SLCO3A1: variants seen among roughly 807,000 people sequenced by gnomAD.
SLCO3A1 encodes PGE1 transporter.
Under a neutral mutation model 63.1 loss-of-function variants are expected in SLCO3A1, and 27 were observed. The observed-to-expected ratio is 0.43, with a 90% CI of 0.32 to 0.59. The LOEUF is 0.59. Among genes scored for constraint, SLCO3A1 ranks in the 20% least tolerant of loss-of-function variants. SLCO3A1 has a pLI of 0.09. For synonymous variants in SLCO3A1, 473 were observed against 409.9 expected (o/e 1.15, Z -1.86); for missense variants, 773 against 945.8 (o/e 0.82, Z 2.40).
At chr15:92,093,226 T>C (rs188749660) in intron 2 of SLCO3A1, among the ~76,000 whole-genome samples, 1 of 152,228 alleles carries the variant, frequency 6.6e-6, no homozygotes, top group East Asian at 1.9e-4. Context: ...ACCGGAAGCA[T>C]GGTGTTGGCA....
chr15:91,971,595 T>C (rs1361794340), intron 2 of SLCO3A1, among the ~76,000 whole-genome samples: 1 of 151,998 alleles, frequency 6.6e-6, no homozygotes, highest in East Asian at 1.9e-4. Flanking sequence ...GTGATTTGCC[T>C]TACAGAGAAA....
At chr15:92,092,438 A>C (rs928514539) in intron 2 of SLCO3A1, among the ~76,000 whole-genome samples, 19 of 151,836 alleles carry the variant, frequency 1.3e-4, no homozygotes, top group Admixed American at 1.2e-3. Context: ...ATGGCAAGAG[A>C]ATTGTATCCC....
chr15:91,913,619 C>T (rs1049970203), intron 1 of SLCO3A1, among the ~76,000 whole-genome samples: 3 of 151,904 alleles, frequency 2.0e-5, no homozygotes, highest in South Asian at 2.1e-4. Flanking sequence ...TTTTTAGTAA[C>T]GGGAAATTGA....
At chr15:92,037,990 A>G (rs548832504) in intron 2 of SLCO3A1, among the ~76,000 whole-genome samples, 5 of 152,324 alleles carry the variant, frequency 3.3e-5, no homozygotes, top group African/African-American at 1.2e-4. Flanking sequence ...CATGTATAGT[A>G]GTGAGACCTA....
chr15:92,044,899 G>C (rs2046842046), intron 2 of SLCO3A1, among the ~76,000 whole-genome samples: 1 of 152,094 alleles, frequency 6.6e-6, no homozygotes, highest in South Asian at 2.1e-4. Context: ...GGTTCCATCT[G>C]CTTCTCCTTG....
At chr15:92,081,939 G>A (rs991109724) in intron 2 of SLCO3A1, among the ~76,000 whole-genome samples, 1 of 152,222 alleles carries the variant, frequency 6.6e-6, no homozygotes, top group Non-Finnish European at 1.5e-5. Flanking sequence ...GAGGTCAACA[G>A]GTGCAGTAAT....
rs141881215 is a variant in SLCO3A1, at chr15:92,164,792, A to G, written c.*1657A>G. On this transcript the variant is annotated 3_prime_UTR_variant, in exon 10 of 10. Transcript: ENST00000318445. ...TTTGGGGTAAGAATCACGTTGGAAAACCTCTCGCAACCAGCACACTAGGCC... is the reference window on the plus strand; with the variant it reads ...TTTGGGGTAAGAATCACGTTGGAAAGCCTCTCGCAACCAGCACACTAGGCC... 171 of 984,626 alleles carry G rather than the reference A, an allele frequency of 1.7e-4. No individual in the cohort carries two copies. In the African/African-American group the frequency reaches 2.8e-3, roughly 16 times the overall value. 61.0% of individuals were successfully genotyped at this position (984,626 alleles called of 1,614,324 possible).
chr15:92,171,453 C>T (rs993392360), intron 10 of SLCO3A1: 17 of 236,356 alleles, frequency 7.2e-5, no homozygotes, highest in Admixed American at 5.8e-4. Flanking sequence ...CAAGGTCTGT[C>T]ACTAGTAATT....
intron 2 of SLCO3A1, among the ~76,000 whole-genome samples, chr15:92,070,275 AATT>A (rs2047199384): frequency 6.6e-6 from 1 of 152,224 alleles, no homozygotes; most frequent in African/African-American, 2.4e-5. Flanking sequence ...AGCCTTGTAC[AATT>A]ATTGCTAAAT....
chr15:91,908,020 T>G (rs1898366235), intron 1 of SLCO3A1, among the ~76,000 whole-genome samples: 1 of 152,270 alleles, frequency 6.6e-6, no homozygotes, highest in East Asian at 1.9e-4. Context: ...CAGGCATAAC[T>G]GTGACGTGCA....
At chr15:91,972,789 C>G (rs1900928838) in intron 2 of SLCO3A1, among the ~76,000 whole-genome samples, 1 of 152,168 alleles carries the variant, frequency 6.6e-6, no homozygotes, top group African/African-American at 2.4e-5. Flanking sequence ...CCAGGTTTGA[C>G]TGTGGATGAA....
At chr15:91,870,990 C>T (rs1172996767) in intron 1 of SLCO3A1, among the ~76,000 whole-genome samples, 1 of 151,740 alleles carries the variant, frequency 6.6e-6, no homozygotes, top group South Asian at 2.1e-4. Flanking sequence ...GGCTGAGTTA[C>T]GTTTTCTTTT....
intron 2 of SLCO3A1, among the ~76,000 whole-genome samples, chr15:91,999,620 G>A (rs966132644): frequency 1.3e-5 from 2 of 152,076 alleles, no homozygotes; most frequent in Non-Finnish European, 2.9e-5. Flanking sequence ...ATACAGGGAA[G>A]TGAGGATTTT....
intron 1 of SLCO3A1, among the ~76,000 whole-genome samples, chr15:91,878,061 G>A (rs1039397094): frequency 6.6e-6 from 1 of 151,464 alleles, no homozygotes; most frequent in African/African-American, 2.4e-5. Context: ...ATCATCAGGT[G>A]GCATCTGAAG....
At chr15:91,969,741 T>C (rs952303534) in intron 2 of SLCO3A1, among the ~76,000 whole-genome samples, 2 of 152,242 alleles carry the variant, frequency 1.3e-5, no homozygotes, top group African/African-American at 4.8e-5. Flanking sequence ...TGGCATCTTA[T>C]GGGCTCACCC....
chr15:92,006,080 C>T (rs1187367508), intron 2 of SLCO3A1, among the ~76,000 whole-genome samples: 1 of 152,048 alleles, frequency 6.6e-6, no homozygotes, highest in African/African-American at 2.4e-5. Context: ...CATGCTTGGG[C>T]GTGCTGTTAG....
Position 91,948,380 on chromosome 15 carries a change from G to T in SLCO3A1, c.646+31922G>T, listed in dbSNP as rs935713986. 6.6e-6 allele frequency among the ~76,000 whole-genome samples: 1 copy of T among 152,216 alleles called. No individual in the cohort carries two copies. Among genetic ancestry groups the T allele is most frequent in the Non-Finnish European group, 1.5e-5 (1 of 68,040 alleles). On this transcript the variant is annotated intron_variant, in intron 2 of 9. Coordinates refer to ENST00000318445, the MANE Select transcript of SLCO3A1 (RefSeq NM_013272.4). This position sits in a 1 kb window ranked among gnomAD's most constrained non-coding sequence, Gnocchi z 4.8. ...TTGCCAAGTTTAGAAGTGGCCGCATGTGTGGTGCCAGCCACAGCATCCTAT... is the reference window on the plus strand; with the variant it reads ...TTGCCAAGTTTAGAAGTGGCCGCATTTGTGGTGCCAGCCACAGCATCCTAT...
At chr15:92,140,918 C>T (rs971524039) in intron 7 of SLCO3A1, among the ~76,000 whole-genome samples, 1 of 152,154 alleles carries the variant, frequency 6.6e-6, no homozygotes, top group African/African-American at 2.4e-5. Flanking sequence ...ATCCAGACTG[C>T]TGCAAAACTT....
intron 6 of SLCO3A1, among the ~76,000 whole-genome samples, 155 bp from the exon 7 acceptor site, chr15:92,128,196 G>A (rs1371816570): frequency 6.6e-6 from 1 of 152,182 alleles, no homozygotes; most frequent in African/African-American, 2.4e-5. Context: ...ATAGGCTAAG[G>A]TTGGTAAAGG....
Sources: allele counts gnomAD v4.1 joint callset (sites outside exome capture counted in the v4.1 genomes callset), GRCh38; gene constraint gnomAD v4.1.1; non-coding constraint Gnocchi (gnomAD v3.1); transcripts MANE v1.5; gene names NCBI Gene and HGNC (gene_info 2026-07-23, HGNC 2026-07-21).